The following DPY19L4 variants were observed in gnomAD, a reference collection of about 807,000 sequenced individuals.
The protein encoded by DPY19L4 is probable C-mannosyltransferase DPY19L4.
Under a neutral mutation model 102.8 loss-of-function variants are expected in DPY19L4, and 97 were observed. That is an observed-to-expected ratio of 0.94 (90% CI 0.80 to 1.12). The LOEUF (loss-of-function observed/expected upper bound fraction) is 1.12. DPY19L4 is among the 50% of genes most tolerant of loss of function. The probability of loss-of-function intolerance (pLI) is 0.00; values close to 1 mark genes in which losing one functional copy is unlikely to be tolerated. For missense variants in DPY19L4, 815 were observed against 850.4 expected, an observed-to-expected ratio of 0.96 and a Z score of 0.52; for synonymous variants, 252 against 283.1, an observed-to-expected ratio of 0.89 and a Z score of 1.10.
At chr8:94,755,437 T>C (rs774704033) in intron 6 of DPY19L4, among the ~76,000 whole-genome samples, 3 of 152,134 alleles carry the variant, frequency 2.0e-5, no homozygotes, top group Admixed American at 6.5e-5. Context: ...CAACAAGCTG[T>C]GTACCTTAGC....
intron 3 of DPY19L4, among the ~76,000 whole-genome samples, chr8:94,736,514 T>G (rs1410592044): frequency 6.6e-6 from 1 of 152,218 alleles, no homozygotes; most frequent in Non-Finnish European, 1.5e-5. Flanking sequence ...TTGATCAAAC[T>G]TTGTGAAAAG....
At chr8:94,746,981 A>G (rs770651748) in intron 6 of DPY19L4, among the ~76,000 whole-genome samples, 1 of 151,920 alleles carries the variant, frequency 6.6e-6, no homozygotes, top group Non-Finnish European at 1.5e-5. Context: ...CTCAGTTCTC[A>G]TCATTTTGGC....
intron 3 of DPY19L4, among the ~76,000 whole-genome samples, chr8:94,736,741 T>A (rs757422191): frequency 2.0e-5 from 3 of 152,240 alleles, no homozygotes; most frequent in Non-Finnish European, 4.4e-5. Context: ...TGAAGAGCAC[T>A]GATTAAGTAT....
intron 3 of DPY19L4, 87 bp downstream of exon 3, chr8:94,734,841 AT>A: frequency 6.4e-7 from 1 of 1,554,594 alleles, no homozygotes; most frequent in Non-Finnish European, 8.7e-7. Context: ...GTGCTGTCTT[AT>A]TTATGGCTAT....
chr8:94,768,273 A>G (rs1224284218), intron 11 of DPY19L4, 122 bp from the exon 12 acceptor site: 1 of 713,130 alleles, frequency 1.4e-6, no homozygotes, highest in South Asian at 1.9e-5. Flanking sequence ...TACCTTGCTA[A>G]TATAAGTAAA....
At chr8:94,737,845 G>A (rs76786479) in intron 3 of DPY19L4, among the ~76,000 whole-genome samples, 8,217 of 151,848 alleles carry the variant, frequency 0.054, 661 homozygotes, top group African/African-American at 0.17. Flanking sequence ...AACATTGTGA[G>A]ACCCCCTTCT....
chr8:94,743,748 G>A (rs1449631808), intron 6 of DPY19L4, among the ~76,000 whole-genome samples: 3 of 152,210 alleles, frequency 2.0e-5, no homozygotes, highest in Non-Finnish European at 4.4e-5. Flanking sequence ...GCTCACGCCT[G>A]TAATCCCAAC....
At chr8:94,724,995 A>G (rs902143500) in intron 1 of DPY19L4, among the ~76,000 whole-genome samples, 1 of 110,662 alleles carries the variant, frequency 9.0e-6, no homozygotes, top group East Asian at 2.1e-4. Flanking sequence ...GTCTGAATCC[A>G]CTAAATGTAC....
intron 7 of DPY19L4, 138 bp downstream of exon 7, chr8:94,756,297 A>G (rs1038873829): frequency 8.5e-6 from 10 of 1,181,152 alleles, no homozygotes; most frequent in Admixed American, 6.2e-5. Context: ...AATAAAAGAT[A>G]TAGTTAGGTA....
At chr8:94,763,425 C>T (rs1012390087) in intron 8 of DPY19L4, among the ~76,000 whole-genome samples, 12 of 151,856 alleles carry the variant, frequency 7.9e-5, no homozygotes, top group African/African-American at 2.4e-4. Context: ...ACTGCAACCT[C>T]CGCCTCCCAG....
At chr8:94,772,513 T>C (rs1345241088) in intron 13 of DPY19L4, among the ~76,000 whole-genome samples, 1 of 152,190 alleles carries the variant, frequency 6.6e-6, no homozygotes, top group African/African-American at 2.4e-5. Flanking sequence ...TACCATTTGT[T>C]CCCTCCCAGT....
At chr8:94,751,537 G>C (rs1344530218) in intron 6 of DPY19L4, among the ~76,000 whole-genome samples, 1 of 151,912 alleles carries the variant, frequency 6.6e-6, no homozygotes, top group African/African-American at 2.4e-5. Flanking sequence ...TGTCGCCCAA[G>C]CTGGAGTGCA....
chr8:94,741,201 A>G (rs1396131550), intron 6 of DPY19L4, among the ~76,000 whole-genome samples: 1 of 152,168 alleles, frequency 6.6e-6, no homozygotes, highest in African/African-American at 2.4e-5. Context: ...GAGATTGACT[A>G]CTGGTTTGGG....
chr8:94,764,235 C>CT (rs1812528342), intron 8 of DPY19L4, among the ~76,000 whole-genome samples: 2 of 152,102 alleles, frequency 1.3e-5, no homozygotes, highest in Admixed American at 6.6e-5. Flanking sequence ...CTGATTTAGA[C>CT]ACTGATGCTT....
chr8:94,735,725 C>T (rs899165198), intron 3 of DPY19L4, among the ~76,000 whole-genome samples: 3 of 152,092 alleles, frequency 2.0e-5, no homozygotes, highest in African/African-American at 7.2e-5. Flanking sequence ...GCGTATGGGT[C>T]AGGAGCATTG....
intron 1 of DPY19L4, among the ~76,000 whole-genome samples, chr8:94,722,226 T>C (rs1285324836): frequency 1.3e-5 from 2 of 152,134 alleles, no homozygotes; most frequent in East Asian, 1.9e-4. Context: ...GCCAATATGG[T>C]GAAACCCTGT....
In DPY19L4 at chr8:94,765,211, T is replaced by C. The variant is rs1158318013; in HGVS notation, c.899T>C (p.Phe300Ser). The part of the protein sequence containing the change: ...KVYEVYKIYI[F>S]SLFLGYLLQF... The stretch of plus-strand genomic sequence containing the variant: ...TATGAAGTTTATAAAATCTACATAT[T>C]TTCCCTCTTTCTGGGATATTTACTA... The change falls in exon 9 of 19, where the codon TTT becomes TCT. Residue 300 changes from phenylalanine to serine, a missense_variant. Transcript: ENST00000414645. 1 of 1,569,022 alleles carries C rather than the reference T, an allele frequency of 6.4e-7. No individual in the cohort carries two copies. The highest frequency in any genetic ancestry group is 1.8e-5 in the Admixed American group (1 of 55,276).
At chr8:94,772,366 G>C (rs990916298) in intron 13 of DPY19L4, among the ~76,000 whole-genome samples, 1 of 152,172 alleles carries the variant, frequency 6.6e-6, no homozygotes, top group Non-Finnish European at 1.5e-5. Flanking sequence ...CCTCAGGCTT[G>C]ATAACTAACA....
At chr8:94,723,257 G>C (rs768443537) in intron 1 of DPY19L4, among the ~76,000 whole-genome samples, 1 of 152,204 alleles carries the variant, frequency 6.6e-6, no homozygotes, top group Non-Finnish European at 1.5e-5. Context: ...CAAATCACGA[G>C]GTCAGGAGTT....
Sources: gnomAD v4.1 joint callset for allele counts (sites outside exome capture counted in the v4.1 genomes callset) on GRCh38, gnomAD v4.1.1 for gene constraint, MANE v1.5 for transcripts, NCBI Gene and HGNC (gene_info 2026-07-23, HGNC 2026-07-21) for gene names.